The following MDGA2 variants were observed in gnomAD, a reference collection of about 807,000 sequenced individuals.
MDGA2 encodes the protein MAM domain containing glycosylphosphatidylinositol anchor 2, also known as MAM domain-containing glycosylphosphatidylinositol anchor protein 2.
In MDGA2, 40 loss-of-function variants were observed where a neutral mutation model predicts 117.8. The observed-to-expected ratio is 0.34, with a 90% CI of 0.26 to 0.44. The LOEUF (loss-of-function observed/expected upper bound fraction) is 0.44, where lower values mean the gene tolerates loss of function less well. Ranked by LOEUF, MDGA2 falls within the 20% of genes least tolerant of loss-of-function variation. The pLI, the probability that MDGA2 is intolerant of heterozygous loss-of-function variation, is 1.00. For synonymous variants in MDGA2, 452 were observed against 439.0 expected, an observed-to-expected ratio of 1.03 and a Z score of -0.37; for missense variants, 1,123 against 1,250.6, an observed-to-expected ratio of 0.90 and a Z score of 1.54.
chr14:47,200,507 T>C (rs1465790417), intron 3 of MDGA2: 3 of 590,572 alleles, frequency 5.1e-6, no homozygotes, highest in African/African-American at 1.9e-5. Context: ...CTTTTTCTAT[T>C]TTTCTTTTCT....
intron 1 of MDGA2, among the ~76,000 whole-genome samples, chr14:47,338,289 G>C (rs1294654921): frequency 6.6e-6 from 1 of 151,870 alleles, no homozygotes; most frequent in Non-Finnish European, 1.5e-5. Flanking sequence ...TTACTGTCTA[G>C]ATAGGATATA....
intron 1 of MDGA2, among the ~76,000 whole-genome samples, chr14:47,373,786 T>C (rs1335246895): frequency 6.6e-6 from 1 of 152,240 alleles, no homozygotes; most frequent in South Asian, 2.1e-4. Flanking sequence ...TAAATAACAT[T>C]CAATGTTGGC....
intron 10 of MDGA2, among the ~76,000 whole-genome samples, chr14:46,918,922 C>T (rs868164051): frequency 5.9e-5 from 9 of 152,026 alleles, no homozygotes; most frequent in South Asian, 2.1e-4. Context: ...TCAACATGCC[C>T]GGCTAATTTT....
chr14:47,313,854 T>C (rs1034375476), intron 1 of MDGA2, among the ~76,000 whole-genome samples: 2 of 152,118 alleles, frequency 1.3e-5, no homozygotes, highest in African/African-American at 4.8e-5. Flanking sequence ...TGAAATATAC[T>C]TAACTTTTGG....
chr14:47,444,429 T>A (rs140340738), intron 1 of MDGA2: 59 of 192,422 alleles, frequency 3.1e-4, no homozygotes, highest in African/African-American at 1.3e-3. Flanking sequence ...GAACCTGATG[T>A]TTGCCTCTCT....
At chr14:47,054,778 G>A (rs1889608567) in intron 7 of MDGA2, among the ~76,000 whole-genome samples, 6 of 151,684 alleles carry the variant, frequency 4.0e-5, no homozygotes, top group South Asian at 2.1e-4. Flanking sequence ...AATAAATGGT[G>A]CTGGGAAAAC....
chr14:47,024,059 C>G (rs1888385519), intron 8 of MDGA2, among the ~76,000 whole-genome samples: 2 of 152,196 alleles, frequency 1.3e-5, no homozygotes, highest in Non-Finnish European at 2.9e-5. Flanking sequence ...GTAAATATGT[C>G]CTCTGCATGA....
intron 1 of MDGA2, among the ~76,000 whole-genome samples, chr14:47,437,922 C>T (rs908839546): frequency 6.6e-6 from 1 of 152,130 alleles, no homozygotes. Flanking sequence ...CTGAGCACTA[C>T]ATAAGGTCAA....
At chr14:46,904,175 C>A (rs1464506740) in intron 10 of MDGA2, among the ~76,000 whole-genome samples, 1 of 151,682 alleles carries the variant, frequency 6.6e-6, no homozygotes, top group African/African-American at 2.4e-5. Flanking sequence ...ACCAGCCTGG[C>A]CAACATGGTG....
chr14:47,047,300 G>A (rs1889300620), intron 7 of MDGA2, among the ~76,000 whole-genome samples: 1 of 152,084 alleles, frequency 6.6e-6, no homozygotes, highest in South Asian at 2.1e-4. Flanking sequence ...TACTAGCTGT[G>A]TAACCTTGGC....
intron 1 of MDGA2, among the ~76,000 whole-genome samples, chr14:47,485,036 C>T (rs1894030613): frequency 6.6e-6 from 1 of 152,084 alleles, no homozygotes; most frequent in Admixed American, 6.6e-5. Context: ...GCTGAAAAGA[C>T]ATCCAAAAAT....
chr14:47,108,606 A>G (rs1594630559), intron 5 of MDGA2, among the ~76,000 whole-genome samples: 1 of 151,960 alleles, frequency 6.6e-6, no homozygotes, highest in East Asian at 1.9e-4. Flanking sequence ...CTTTGACTGT[A>G]ATTTTCCTTT....
intron 3 of MDGA2, among the ~76,000 whole-genome samples, chr14:47,208,530 CTTT>C (rs35699705): frequency 1.3e-4 from 19 of 142,288 alleles, no homozygotes; most frequent in African/African-American, 3.4e-4. Context: ...TCTCTAAACT[CTTT>C]TTTTTTTTTT....
intron 5 of MDGA2, among the ~76,000 whole-genome samples, chr14:47,121,655 G>A (rs1881658985): frequency 6.6e-6 from 1 of 151,988 alleles, no homozygotes; most frequent in South Asian, 2.1e-4. Context: ...CCTACTATTT[G>A]CCAGTTACTA....
intron 1 of MDGA2, among the ~76,000 whole-genome samples, chr14:47,350,139 T>C (rs1890847341): frequency 6.6e-6 from 1 of 152,218 alleles, no homozygotes; most frequent in South Asian, 2.1e-4. Context: ...TTGTTAACTT[T>C]ACTACTCCCC....
At chr14:47,059,025 T>C (rs1486521325) in intron 7 of MDGA2, 5 of 1,004,750 alleles carry the variant, frequency 5.0e-6, no homozygotes, top group South Asian at 8.2e-5. Context: ...ATTAAGTCAC[T>C]ATAAATTTGT....
chr14:47,625,372 A>G (rs895563436), intron 1 of MDGA2, among the ~76,000 whole-genome samples: 1 of 152,244 alleles, frequency 6.6e-6, no homozygotes, highest in African/African-American at 2.4e-5. Context: ...TATTTATATA[A>G]CAATGTTTTA....
intron 1 of MDGA2, among the ~76,000 whole-genome samples, chr14:47,339,759 T>C (rs766475524): frequency 2.0e-4 from 30 of 152,152 alleles, no homozygotes; most frequent in Non-Finnish European, 7.3e-5. Flanking sequence ...CTCTTTACTT[T>C]CTGAATTACA....
chr14:46,989,446 T>A (rs1266894823), intron 8 of MDGA2, among the ~76,000 whole-genome samples: 8 of 152,138 alleles, frequency 5.3e-5, no homozygotes, highest in Non-Finnish European at 1.0e-4. Context: ...TAATTTTTCA[T>A]CTTGGCAGGT....
Sources: allele counts gnomAD v4.1 joint callset (sites outside exome capture counted in the v4.1 genomes callset), GRCh38; gene constraint gnomAD v4.1.1; transcripts MANE v1.5; gene names NCBI Gene and HGNC (gene_info 2026-07-23, HGNC 2026-07-21).